The following KLHL36 variants were observed in gnomAD, a reference collection of about 807,000 sequenced individuals.
The protein encoded by KLHL36 is kelch-like protein 36.
A neutral mutation model predicts 53.3 loss-of-function variants in KLHL36; 35 were observed. That is an observed-to-expected ratio of 0.66 (90% CI 0.50 to 0.87). The LOEUF (loss-of-function observed/expected upper bound fraction) is 0.87. KLHL36 is among the 40% of genes least tolerant of loss of function. KLHL36 has a pLI of 0.00. For missense variants in KLHL36, 864 were observed against 897.6 expected, an observed-to-expected ratio of 0.96 and a Z score of 0.48; for synonymous variants, 472 against 398.9, an observed-to-expected ratio of 1.18 and a Z score of -2.18.
chr16:84,650,494 T>A (rs1906798064), intron 1 of KLHL36, among the ~76,000 whole-genome samples: 1 of 152,148 alleles, frequency 6.6e-6, no homozygotes, highest in Admixed American at 6.5e-5. Flanking sequence ...TTAAATGAGA[T>A]GGCACACTTA....
At chr16:84,652,399 G>C (rs895394107) in intron 2 of KLHL36, among the ~76,000 whole-genome samples, 1 of 151,964 alleles carries the variant, frequency 6.6e-6, no homozygotes, top group African/African-American at 2.4e-5. Flanking sequence ...GCCTCCTGAG[G>C]AGCTGGGAAT....
At chr16:84,656,413 G>A (rs1407480722) in intron 2 of KLHL36, among the ~76,000 whole-genome samples, 2 of 151,220 alleles carry the variant, frequency 1.3e-5, no homozygotes, top group Non-Finnish European at 2.9e-5. Context: ...AGGATTACAG[G>A]CACACGCCAC....
In KLHL36 at chr16:84,657,873, C is replaced by A; in HGVS notation, c.1066C>A (p.Arg356=). 1 of 1,582,202 alleles carries A rather than the reference C, an allele frequency of 6.3e-7. No individual in the cohort carries two copies. Among genetic ancestry groups the A allele is most frequent in the East Asian group, 2.3e-5 (1 of 44,348 alleles). Residue 356 remains arginine, a synonymous_variant, in exon 3 of 5, where the codon CGG becomes AGG. Transcript: ENST00000564996. ...CTTCATCGCCGGCGGCAGCTTCTCA[C>A]GGGACAACGGAGGGGATGCGGCCTC... ...FIFIAGGSFS[R]DNGGDAASNL...
At chr16:84,660,060 C>G in intron 4 of KLHL36, 143 bp downstream of exon 4, 1 of 851,956 alleles carries the variant, frequency 1.2e-6, no homozygotes, top group Non-Finnish European at 1.8e-6. Flanking sequence ...GTGGGTACAC[C>G]ATGAGGGGCG....
Position 84,648,537 on chromosome 16 carries a change from C to T in KLHL36, c.-129C>T, listed in dbSNP as rs1906585676. Reference sequence around the variant, plus strand: ...TCGGCCTCGCACTTCCTGGCGGAGCCATGGCTGCGCAGCGGGCTGGCCGGG... The same window carrying T: ...TCGGCCTCGCACTTCCTGGCGGAGCTATGGCTGCGCAGCGGGCTGGCCGGG... On this transcript the variant is annotated 5_prime_UTR_variant, in exon 1 of 5. Transcript: ENST00000564996. The surrounding 1 kb of genome is among the most constrained non-coding windows in gnomAD (Gnocchi z 4.9). 6.8e-6 allele frequency: 1 copy of T among 147,318 alleles called. No individual in the cohort carries two copies. The highest frequency in any genetic ancestry group is 1.8e-4 in the South Asian group (1 of 5,606). 9.1% of individuals were successfully genotyped at this position (147,318 alleles called of 1,614,324 possible).
intron 1 of KLHL36, chr16:84,649,184 G>A (rs1192286810): frequency 1.3e-5 from 2 of 152,288 alleles, no homozygotes; most frequent in African/African-American, 4.8e-5. Flanking sequence ...TGTGCTTGGG[G>A]GTGGCCTTGA....
At chr16:84,652,498 T>C (rs1906950195) in intron 2 of KLHL36, among the ~76,000 whole-genome samples, 1 of 152,142 alleles carries the variant, frequency 6.6e-6, no homozygotes, top group African/African-American at 2.4e-5. Context: ...CTTGATCTCT[T>C]GACCTCGTGA....
intron 1 of KLHL36, among the ~76,000 whole-genome samples, chr16:84,650,371 G>T (rs1567554572): frequency 6.6e-6 from 1 of 152,156 alleles, no homozygotes; most frequent in Admixed American, 6.6e-5. Flanking sequence ...AAGCTGGACA[G>T]ACCGAGGCGT....
Position 84,657,835 on chromosome 16 carries a change from T to TG in KLHL36, c.1034dup (p.Phe346LeufsTer24), listed in dbSNP as rs1364796377. The TG allele has an allele frequency of 1.9e-6, 3 of 1,600,690 alleles. No individual in the cohort carries two copies. Among genetic ancestry groups the TG allele is most frequent in the Non-Finnish European group, 2.6e-6 (3 of 1,171,606 alleles). On this transcript the variant is annotated frameshift_variant, in exon 3 of 5. Coordinates refer to ENST00000564996, the MANE Select transcript of KLHL36 (RefSeq NM_024731.4). LOFTEE classifies it high-confidence loss of function. Reference sequence around the variant, plus strand: ...CGGAGCCACCACTGTGTCGCGGTGCTGGGGGGCTTCATCTTCATCGCCGGC... The same window carrying TG: ...CGGAGCCACCACTGTGTCGCGGTGCTGGGGGGGCTTCATCTTCATCGCCGGC...
intron 2 of KLHL36, among the ~76,000 whole-genome samples, 173 bp from the exon 3 acceptor site, chr16:84,656,698 G>A (rs1382209060): frequency 2.0e-5 from 3 of 150,808 alleles, no homozygotes; most frequent in African/African-American, 4.9e-5. Flanking sequence ...AAAAAACCAC[G>A]ATACACAGGC....
At chr16:84,654,988 T>G (rs1441578878) in intron 2 of KLHL36, among the ~76,000 whole-genome samples, 1 of 152,176 alleles carries the variant, frequency 6.6e-6, no homozygotes, top group Admixed American at 6.5e-5. Context: ...AGACCCTGTT[T>G]CTAAAAATGA....
intron 2 of KLHL36, among the ~76,000 whole-genome samples, chr16:84,654,652 G>T (rs1907097411): frequency 6.6e-6 from 1 of 152,058 alleles, no homozygotes; most frequent in Admixed American, 6.5e-5. Context: ...ATGGCGTTTT[G>T]TTCGTGTTGC....
intron 2 of KLHL36, 80 bp downstream of exon 2, chr16:84,651,010 C>G: frequency 8.2e-7 from 1 of 1,223,146 alleles, no homozygotes; most frequent in Non-Finnish European, 1.2e-6. Context: ...TTTCTAATCA[C>G]AGACTGATTT....
rs748694890 is a variant in KLHL36, at chr16:84,659,847, G to A, written c.1225G>A (p.Gly409Arg). Residue 409 changes from glycine (G) to arginine (R), a missense_variant, in exon 4 of 5, where the codon GGA becomes AGA. Gly to Arg is a moderately radical substitution (Grantham distance 125). Transcript: ENST00000564996. The part of the protein sequence containing the change: ...LVAIGGRNEN[G>R]ALSSVETYSP... ...GGCCATCGGCGGCCGGAATGAGAACGGAGCGCTCTCTTCAGTAGAGACGTA... is the reference window on the plus strand; with the variant it reads ...GGCCATCGGCGGCCGGAATGAGAACAGAGCGCTCTCTTCAGTAGAGACGTA... The A allele has an allele frequency of 2.5e-6, 4 of 1,614,078 alleles. No homozygotes were observed. The highest frequency in any genetic ancestry group is 1.1e-5 in the South Asian group (1 of 91,076).
intron 2 of KLHL36, among the ~76,000 whole-genome samples, chr16:84,654,404 T>C (rs1907081703): frequency 1.3e-5 from 2 of 152,076 alleles, no homozygotes; most frequent in South Asian, 2.1e-4. Context: ...TCCCAGCACA[T>C]TGGGAGGCTG....
Position 84,666,317 on chromosome 16 carries a change from G to A in KLHL36, c.*4184G>A, listed in dbSNP as rs1907832701. 6.6e-6 allele frequency: 1 copy of A among 152,160 alleles called. No homozygotes were observed. The highest frequency in any genetic ancestry group is 1.5e-5 in the Non-Finnish European group (1 of 68,038). The allele number at this position is 152,160 out of a possible 1,614,324, so 9.4% of individuals were successfully genotyped here. ...CAGCACCAGGACCTCGCCTCATGTG[G>A]CTTTGTCTTGGATCTTGCCCTTCTC... On this transcript the variant is annotated 3_prime_UTR_variant, in exon 5 of 5. Transcript: ENST00000564996.
At chr16:84,651,986 T>C (rs541455471) in intron 2 of KLHL36, among the ~76,000 whole-genome samples, 1 of 152,318 alleles carries the variant, frequency 6.6e-6, no homozygotes, top group Non-Finnish European at 1.5e-5. Context: ...AAACTGGCTG[T>C]CATTTTCAAG....
chr16:84,657,283 G>A lies in KLHL36; in HGVS notation c.476G>A (p.Ser159Asn). 1 of 1,614,062 alleles carries A rather than the reference G, an allele frequency of 6.2e-7. No homozygotes were observed. The highest frequency in any genetic ancestry group is 8.5e-7 in the Non-Finnish European group (1 of 1,180,040). ...LYLQELASIYSLKRLDAFIDG... is the reference protein window; with the variant it reads ...LYLQELASIYNLKRLDAFIDG... ...CTGCAGGAGCTGGCCTCCATCTACA[G>A]CCTCAAGCGGCTTGATGCCTTCATC... is the stretch of plus-strand genomic sequence containing the variant. Residue 159 changes from serine (S) to asparagine (N), a missense_variant, in exon 3 of 5, where the codon AGC becomes AAC. Physicochemically the swap from Ser to Asn is conservative, Grantham distance 46. Coordinates refer to ENST00000564996, the MANE Select transcript of KLHL36 (RefSeq NM_024731.4).
rs547083199 is a variant in KLHL36, at chr16:84,661,232, C to T, written c.1296-346C>T. Among the ~76,000 whole-genome samples, 1 of 152,314 alleles carries T rather than the reference C, an allele frequency of 6.6e-6. No homozygotes were observed. The highest frequency in any genetic ancestry group is 1.9e-4 in the East Asian group (1 of 5,182). ...TCTTTGATGTGTGATTCATCGGGTG[C>T]ATGTGTGCCTGCTAGCTCATTGTTC... On this transcript the variant is annotated intron_variant, in intron 4 of 4. Transcript: ENST00000564996. The surrounding 1 kb of genome is among the most constrained non-coding windows in gnomAD (Gnocchi z 7.9).
Sources: allele counts gnomAD v4.1 joint callset (sites outside exome capture counted in the v4.1 genomes callset), GRCh38; gene constraint gnomAD v4.1.1; non-coding constraint Gnocchi (gnomAD v3.1); transcripts MANE v1.5; gene names NCBI Gene and HGNC (gene_info 2026-07-23, HGNC 2026-07-21).